The following DLGAP2 variants were observed in gnomAD, a reference collection of about 807,000 sequenced individuals.
DLGAP2 encodes the protein disks large-associated protein 2.
In DLGAP2, 26 loss-of-function variants were observed where a neutral mutation model predicts 100.3. The observed-to-expected ratio is 0.26, with a 90% CI of 0.19 to 0.36. DLGAP2 has a LOEUF of 0.36. Ranked by LOEUF, DLGAP2 falls within the 10% of genes least tolerant of loss-of-function variation. The pLI is 1.00. For missense variants in DLGAP2, 1,858 were observed against 1,453.2 expected (o/e 1.28, Z -4.53); for synonymous variants, 886 against 630.1 (o/e 1.41, Z -6.08).
At chr8:767,219 C>T (rs186156858) in intron 1 of DLGAP2, among the ~76,000 whole-genome samples, 6 of 152,266 alleles carry the variant, frequency 3.9e-5, no homozygotes, top group East Asian at 3.9e-4. Context: ...GGACCTTCCA[C>T]TCTTGCTAGC....
chr8:990,318 G>T (rs11985476), intron 2 of DLGAP2, among the ~76,000 whole-genome samples: 1 of 140,040 alleles, frequency 7.1e-6, no homozygotes, highest in Non-Finnish European at 1.5e-5. Context: ...CAGACCCCCT[G>T]CACCCCCATA....
intron 6 of DLGAP2, among the ~76,000 whole-genome samples, chr8:1,618,392 C>G (rs982878158): frequency 6.6e-6 from 1 of 152,142 alleles, no homozygotes; most frequent in Non-Finnish European, 1.5e-5. Flanking sequence ...CTAAGATAGA[C>G]CATCTAAATA....
Position 1,626,743 on chromosome 8 carries a change from G to C in DLGAP2, c.1446G>C (p.Gln482His). The change falls in exon 7 of 15, where the codon CAG (glutamine) becomes CAC (histidine). Residue 482 changes from glutamine (Q) to histidine (H), a missense_variant. Transcript: ENST00000637795. ...GQRPLGEHQT[Q>H]TYLQAASDVP... is the part of the protein sequence containing the mutation. The stretch of plus-strand genomic sequence containing the variant: ...TCTCCTTTCTTCTTTCCTGTAGCCA[G>C]ACCTACCTGCAAGCTGCAAGCGATG... 1 of 1,599,584 alleles carries C rather than the reference G, an allele frequency of 6.3e-7. No individual in the cohort carries two copies. Among genetic ancestry groups the C allele is most frequent in the Non-Finnish European group, 8.5e-7 (1 of 1,173,422 alleles).
chr8:1,420,958 T>C (rs571171808), intron 3 of DLGAP2, among the ~76,000 whole-genome samples: 54 of 152,320 alleles, frequency 3.5e-4, no homozygotes, highest in African/African-American at 1.3e-3. Flanking sequence ...GAGGCTGTAC[T>C]GAATGTTGCT....
rs531899691 is a variant in DLGAP2 at position 1,182,051 on chromosome 8, G to A, written c.74-76800G>A. Among the ~76,000 whole-genome samples, 213 of 152,338 alleles carry A rather than the reference G, an allele frequency of 1.4e-3. 9 individuals carry two copies. In the South Asian group the frequency reaches 0.038, roughly 27 times the overall value. ...GGTTGCAGCCTCTGTGCTGCAGTGC[G>A]TAAGAGCCATGTGCCTGATAGATGG... On this transcript the variant is annotated intron_variant, in intron 2 of 14. Transcript: ENST00000637795.
intron 3 of DLGAP2, among the ~76,000 whole-genome samples, chr8:1,355,731 A>G (rs1801833377): frequency 6.6e-6 from 1 of 152,110 alleles, no homozygotes; most frequent in African/African-American, 2.4e-5. Context: ...AGAGCTCTGA[A>G]CAAGACTGGT....
chr8:1,191,383 G>A (rs536323606), intron 2 of DLGAP2, among the ~76,000 whole-genome samples: 1 of 152,084 alleles, frequency 6.6e-6, no homozygotes, highest in Non-Finnish European at 1.5e-5. Context: ...TGTTAGCCAG[G>A]ATGGTCTTGA....
chr8:1,664,416 TC>T (rs1448017802), intron 8 of DLGAP2, among the ~76,000 whole-genome samples: 5 of 152,280 alleles, frequency 3.3e-5, no homozygotes, highest in South Asian at 2.1e-4. Context: ...TCTCTGGGCA[TC>T]CCTAGTCTCT....
intron 3 of DLGAP2, among the ~76,000 whole-genome samples, chr8:1,306,744 G>A (rs999418783): frequency 6.6e-6 from 1 of 152,124 alleles, no homozygotes; most frequent in Non-Finnish European, 1.5e-5. Flanking sequence ...ATAAACCCTG[G>A]TGTATATTGT....
At position 1,421,134 on chromosome 8, in the gene DLGAP2, A is replaced by C. The variant is rs148093680; in HGVS notation, c.107-80232A>C. On this transcript the variant is annotated intron_variant, in intron 3 of 14. Transcript: ENST00000637795. ...ATAACTTATCCAAAGTATGTTTTTC[A>C]GACCTTTGAATTTTGTGGTTCATAA... Among the ~76,000 whole-genome samples the C allele has an allele frequency of 1.0e-3, 156 of 152,352 alleles. No individual in the cohort carries two copies. The East Asian group carries it at 0.016, about 16-fold the overall frequency.
chr8:877,181 G>A (rs894820960), intron 1 of DLGAP2, among the ~76,000 whole-genome samples: 19 of 151,956 alleles, frequency 1.3e-4, no homozygotes, highest in African/African-American at 4.1e-4. Flanking sequence ...TCATTGTATG[G>A]ATCATACTTT....
At chr8:1,576,187 G>A (rs1802968664) in intron 6 of DLGAP2, among the ~76,000 whole-genome samples, 3 of 152,192 alleles carry the variant, frequency 2.0e-5, no homozygotes, top group African/African-American at 7.2e-5. Context: ...GTGTCTCATT[G>A]TGGTTTTGAT....
chr8:1,105,811 G>A (rs1167509675), intron 2 of DLGAP2, among the ~76,000 whole-genome samples: 7 of 149,270 alleles, frequency 4.7e-5, no homozygotes, highest in Non-Finnish European at 1.0e-4. Context: ...ATTCTAGGAG[G>A]GTTTTCTACT....
intron 3 of DLGAP2, among the ~76,000 whole-genome samples, chr8:1,283,439 G>A (rs987554663): frequency 1.3e-5 from 2 of 152,198 alleles, no homozygotes; most frequent in Non-Finnish European, 2.9e-5. Flanking sequence ...TTGATTTATT[G>A]AATATGAGTT....
intron 2 of DLGAP2, among the ~76,000 whole-genome samples, chr8:1,204,536 A>T (rs1797949173): frequency 6.6e-6 from 1 of 151,926 alleles, no homozygotes; most frequent in African/African-American, 2.4e-5. Context: ...TGGACAAAGA[A>T]CACTTGTGTG....
At chr8:780,436 C>T (rs1279260760) in intron 1 of DLGAP2, among the ~76,000 whole-genome samples, 1 of 152,258 alleles carries the variant, frequency 6.6e-6, no homozygotes, top group Non-Finnish European at 1.5e-5. Context: ...TGAGTAGTGA[C>T]TGTGCAGTGA....
At chr8:1,123,945 G>A (rs1243687981) in intron 2 of DLGAP2, among the ~76,000 whole-genome samples, 3 of 152,092 alleles carry the variant, frequency 2.0e-5, no homozygotes, top group Non-Finnish European at 2.9e-5. Context: ...CATGCATTCA[G>A]GTTGCTCCCC....
At chr8:1,649,660 G>A (rs920119709) in intron 8 of DLGAP2, among the ~76,000 whole-genome samples, 3 of 151,990 alleles carry the variant, frequency 2.0e-5, no homozygotes, top group Non-Finnish European at 4.4e-5. Flanking sequence ...TATATAGGAA[G>A]GAAATATCTA....
At chr8:985,744 T>A (rs1488402736) in intron 2 of DLGAP2, among the ~76,000 whole-genome samples, 3 of 152,232 alleles carry the variant, frequency 2.0e-5, no homozygotes, top group Non-Finnish European at 2.9e-5. Flanking sequence ...AAAGATTATT[T>A]CAAGGTAACG....
Sources: allele counts gnomAD v4.1 joint callset (sites outside exome capture counted in the v4.1 genomes callset), GRCh38; gene constraint gnomAD v4.1.1; transcripts MANE v1.5; gene names NCBI Gene and HGNC (gene_info 2026-07-23, HGNC 2026-07-21).